The following MEGF11 variants were observed in gnomAD, a reference collection of about 807,000 sequenced individuals.
MEGF11 encodes multiple EGF like domains 11.
A neutral mutation model predicts 146.6 loss-of-function variants in MEGF11; 126 were observed. That is an observed-to-expected ratio of 0.86 (90% confidence interval 0.74 to 1.00). The LOEUF (loss-of-function observed/expected upper bound fraction) is 1.00, where lower values mean the gene tolerates loss of function less well. Ranked by LOEUF, MEGF11 falls within the 50% of genes least tolerant of loss-of-function variation. The pLI is 0.00. For missense variants in MEGF11, 1,509 were observed against 1,521.2 expected, an observed-to-expected ratio of 0.99 and a Z score of 0.13; for synonymous variants, 532 against 583.4, an observed-to-expected ratio of 0.91 and a Z score of 1.27.
intron 5 of MEGF11, among the ~76,000 whole-genome samples, chr15:66,042,485 T>C (rs2084030350): frequency 6.6e-6 from 1 of 152,204 alleles, no homozygotes; most frequent in South Asian, 2.1e-4. Flanking sequence ...GATAAACTTC[T>C]GGGGAACAGA....
At chr15:66,067,238 C>T (rs747644038) in intron 5 of MEGF11, among the ~76,000 whole-genome samples, 4 of 152,302 alleles carry the variant, frequency 2.6e-5, no homozygotes, top group Admixed American at 1.3e-4. Context: ...GATCCAGTCT[C>T]GGGCCTAATG....
chr15:65,903,986 G>C (rs892348792), intron 24 of MEGF11, among the ~76,000 whole-genome samples: 1 of 152,180 alleles, frequency 6.6e-6, no homozygotes. Flanking sequence ...TGCCTGCTGA[G>C]CCCTCGCCTG....
intron 21 of MEGF11, among the ~76,000 whole-genome samples, chr15:65,910,426 C>G (rs2141183261): frequency 6.6e-6 from 1 of 152,278 alleles, no homozygotes; most frequent in Middle Eastern, 3.4e-3. Context: ...CATGAACACA[C>G]ACGAGTCAGT....
chr15:66,163,194 G>A (rs982033106), intron 1 of MEGF11, among the ~76,000 whole-genome samples: 8 of 152,106 alleles, frequency 5.3e-5, no homozygotes, highest in Admixed American at 2.0e-4. Flanking sequence ...ATCTGGGCTC[G>A]CTCCATCCTG....
chr15:66,054,447 T>G (rs932170948), intron 5 of MEGF11, among the ~76,000 whole-genome samples: 13 of 152,116 alleles, frequency 8.5e-5, no homozygotes, highest in African/African-American at 2.9e-4. Context: ...CTTTCCCAAC[T>G]CCTGGCCTTT....
intron 1 of MEGF11, among the ~76,000 whole-genome samples, chr15:66,147,737 G>T (rs965044918): frequency 6.6e-6 from 1 of 152,170 alleles, no homozygotes; most frequent in Non-Finnish European, 1.5e-5. Flanking sequence ...TGAGCTGGAG[G>T]GGGGCTCAGC....
At chr15:66,250,580 C>T (rs2092356545) in intron 1 of MEGF11, among the ~76,000 whole-genome samples, 2 of 152,152 alleles carry the variant, frequency 1.3e-5, no homozygotes, top group African/African-American at 4.8e-5. Flanking sequence ...TTCATAAGTT[C>T]GGAACACTGA....
intron 5 of MEGF11, among the ~76,000 whole-genome samples, chr15:66,020,777 G>A (rs1181128823): frequency 3.9e-5 from 6 of 152,082 alleles, no homozygotes; most frequent in Non-Finnish European, 8.8e-5. Context: ...CGGATCACGA[G>A]GTCAGGAGAG....
At chr15:66,193,555 T>A (rs2090934463) in intron 1 of MEGF11, among the ~76,000 whole-genome samples, 1 of 152,194 alleles carries the variant, frequency 6.6e-6, no homozygotes, top group South Asian at 2.1e-4. Context: ...AGGGTCCACT[T>A]ACCCACAGAT....
chr15:66,108,465 T>C (rs891836643), intron 4 of MEGF11, among the ~76,000 whole-genome samples: 10 of 152,078 alleles, frequency 6.6e-5, no homozygotes, highest in African/African-American at 2.2e-4. Context: ...CAGGTAGTGA[T>C]AGTGCAAAGA....
intron 10 of MEGF11, among the ~76,000 whole-genome samples, chr15:65,954,234 T>A (rs2080499553): frequency 6.6e-6 from 1 of 152,176 alleles, no homozygotes; most frequent in Non-Finnish European, 1.5e-5. Flanking sequence ...TAAAGGCGCG[T>A]ACATACATTC....
At chr15:66,182,308 A>T (rs2090571150) in intron 1 of MEGF11, among the ~76,000 whole-genome samples, 1 of 152,226 alleles carries the variant, frequency 6.6e-6, no homozygotes, top group African/African-American at 2.4e-5. Flanking sequence ...GTAAGCAGGA[A>T]TGGCAGATAG....
chr15:66,213,536 T>A (rs1177065219), intron 1 of MEGF11, among the ~76,000 whole-genome samples: 1 of 152,098 alleles, frequency 6.6e-6, no homozygotes, highest in Non-Finnish European at 1.5e-5. Flanking sequence ...TCCTGCTTTG[T>A]GCTGATTAGT....
At chr15:65,903,287 G>GA (rs1040573953) in intron 24 of MEGF11, among the ~76,000 whole-genome samples, 9 of 152,198 alleles carry the variant, frequency 5.9e-5, no homozygotes, top group African/African-American at 2.2e-4. Context: ...AGGCGATGGA[G>GA]AATAGCAATT....
In MEGF11 at chr15:66,101,292, C is replaced by A. The variant is rs1181239268; in HGVS notation, c.302-6798G>T. Reference sequence around the variant, plus strand: ...CCGCTCCGGACGGCTGCCCTCTCATCTTTGGCACTGGAACTTCAGGTTGTG... The same window carrying A: ...CCGCTCCGGACGGCTGCCCTCTCATATTTGGCACTGGAACTTCAGGTTGTG... On this transcript the variant is annotated intron_variant, in intron 4 of 25. Coordinates refer to ENST00000395614, the MANE Select transcript of MEGF11 (RefSeq NM_001385028.1). Among the ~76,000 whole-genome samples, 4 of 152,174 alleles carry A rather than the reference C, an allele frequency of 2.6e-5. No individual in the cohort carries two copies. The East Asian group carries it at 5.8e-4, about 22-fold the overall frequency.
At chr15:65,977,260 G>C (rs1041756353) in intron 7 of MEGF11, among the ~76,000 whole-genome samples, 1 of 151,968 alleles carries the variant, frequency 6.6e-6, no homozygotes, top group Non-Finnish European at 1.5e-5. Context: ...CTCCTGGAGG[G>C]GAGGCAACTC....
At chr15:65,991,649 T>C (rs563209367) in intron 5 of MEGF11, among the ~76,000 whole-genome samples, 15 of 152,230 alleles carry the variant, frequency 9.9e-5, no homozygotes, top group African/African-American at 3.4e-4. Context: ...CATCACCTGA[T>C]TGTGAAAGGT....
At chr15:66,217,408 T>G (rs2091612177) in intron 1 of MEGF11, among the ~76,000 whole-genome samples, 1 of 152,230 alleles carries the variant, frequency 6.6e-6, no homozygotes, top group South Asian at 2.1e-4. Flanking sequence ...CAACATCTAC[T>G]TCACAAAAGG....
intron 1 of MEGF11, among the ~76,000 whole-genome samples, chr15:66,172,483 G>T (rs982894349): frequency 2.0e-5 from 3 of 152,176 alleles, no homozygotes; most frequent in Non-Finnish European, 2.9e-5. Context: ...AGGGAGGGGC[G>T]TGAGGCTGGG....
Sources: allele counts gnomAD v4.1 joint callset (sites outside exome capture counted in the v4.1 genomes callset), GRCh38; gene constraint gnomAD v4.1.1; transcripts MANE v1.5; gene names NCBI Gene and HGNC (gene_info 2026-07-23, HGNC 2026-07-21).